KANK1: variants seen among roughly 807,000 people sequenced by gnomAD.
The protein encoded by KANK1 is KN motif and ankyrin repeat domains 1, also known as KN motif and ankyrin repeat domain-containing protein 1.
KANK1 carries 109 observed loss-of-function variants against 106.2 expected under a neutral mutation model. That is an observed-to-expected ratio of 1.03 (90% CI 0.88 to 1.20). KANK1 has a LOEUF of 1.20. Among genes scored for constraint, KANK1 ranks in the 50% most tolerant of loss-of-function variants. The probability of loss-of-function intolerance (pLI) is 0.00; values close to 1 mark genes in which losing one functional copy is unlikely to be tolerated. For synonymous variants in KANK1, 873 were observed against 652.2 expected, an observed-to-expected ratio of 1.34 and a Z score of -5.16; for missense variants, 2,399 against 1,710.7, an observed-to-expected ratio of 1.40 and a Z score of -7.10.
chr9:650,257 G>T (rs1403454090), intron 1 of KANK1, among the ~76,000 whole-genome samples: 1 of 152,158 alleles, frequency 6.6e-6, no homozygotes, highest in East Asian at 1.9e-4. Context: ...ATTGGCCTCT[G>T]TGCTTATTAG....
intron 1 of KANK1, among the ~76,000 whole-genome samples, chr9:624,689 C>T (rs1274818717): frequency 6.6e-6 from 1 of 152,056 alleles, no homozygotes; most frequent in African/African-American, 2.4e-5. Flanking sequence ...GTCCCAGCTA[C>T]TCGGGAGGCT....
chr9:565,471 A>G (rs1001746482), intron 1 of KANK1, among the ~76,000 whole-genome samples: 1 of 152,214 alleles, frequency 6.6e-6, no homozygotes, highest in African/African-American at 2.4e-5. Flanking sequence ...TAATTGACGA[A>G]GAGGTGGCTA....
intron 1 of KANK1, among the ~76,000 whole-genome samples, chr9:633,659 T>G (rs768676815): frequency 5.3e-5 from 8 of 152,146 alleles, no homozygotes; most frequent in Non-Finnish European, 1.2e-4. Context: ...TATGTTTTAT[T>G]TATTAATGTT....
rs5895851 is a variant in KANK1, at chr9:529,234, TACAC to T, written c.-84+24498_-84+24501del. Among the ~76,000 whole-genome samples, 102 of 148,796 alleles carry T rather than the reference TACAC, an allele frequency of 6.9e-4. 1 individual carries two copies. The highest frequency in any genetic ancestry group is 2.4e-3 in the African/African-American group (95 of 40,226). ...ATAACTCTGTTAATATATATATATA[TACAC>T]ACACACACACACACACATATACACA... On this transcript the variant is annotated intron_variant, in intron 1 of 11. Transcript: ENST00000382297.
intron 2 of KANK1, among the ~76,000 whole-genome samples, chr9:682,275 G>A (rs1355612965): frequency 1.4e-5 from 2 of 147,582 alleles, no homozygotes; most frequent in South Asian, 2.1e-4. Context: ...GTGAGACTCC[G>A]TCTCAAAAAA....
chr9:682,388 T>G (rs1339643034), intron 2 of KANK1, among the ~76,000 whole-genome samples: 1 of 152,224 alleles, frequency 6.6e-6, no homozygotes, highest in Non-Finnish European at 1.5e-5. Flanking sequence ...TTTTTAGTAT[T>G]TATTTTTCAT....
At chr9:687,613 T>G in intron 2 of KANK1, among the ~76,000 whole-genome samples, 1 of 151,928 alleles carries the variant, frequency 6.6e-6, no homozygotes, top group South Asian at 2.1e-4. Flanking sequence ...CCCTGCCCTG[T>G]TCCCCAGTTA....
At chr9:645,706 A>G (rs1839522591) in intron 1 of KANK1, among the ~76,000 whole-genome samples, 1 of 150,588 alleles carries the variant, frequency 6.6e-6, no homozygotes, top group Non-Finnish European at 1.5e-5. Flanking sequence ...ACGTGGTGAA[A>G]CCCCATTTCT....
At chr9:622,485 A>G (rs1833378912) in intron 1 of KANK1, among the ~76,000 whole-genome samples, 1 of 152,206 alleles carries the variant, frequency 6.6e-6, no homozygotes, top group Non-Finnish European at 1.5e-5. Flanking sequence ...TGCCAAGAAT[A>G]CGCAATGGGG....
At chr9:549,848 G>A (rs2061166953) in intron 1 of KANK1, 1 of 152,094 alleles carries the variant, frequency 6.6e-6, no homozygotes, top group Non-Finnish European at 1.5e-5. Flanking sequence ...GTTCTTCCTG[G>A]GACTGCTTTC....
chr9:743,347 A>G (rs1836204328), intron 10 of KANK1, among the ~76,000 whole-genome samples: 1 of 152,204 alleles, frequency 6.6e-6, no homozygotes, highest in Non-Finnish European at 1.5e-5. Flanking sequence ...TCTCCACAGG[A>G]GCACATGGAA....
intron 1 of KANK1, among the ~76,000 whole-genome samples, chr9:615,674 A>C (rs1455243982): frequency 6.6e-6 from 1 of 152,154 alleles, no homozygotes; most frequent in African/African-American, 2.4e-5. Flanking sequence ...TGGTCTTTGC[A>C]TTTGTCCAGT....
At chr9:582,473 T>A (rs192272661) in intron 1 of KANK1, among the ~76,000 whole-genome samples, 4 of 152,270 alleles carry the variant, frequency 2.6e-5, no homozygotes, top group Admixed American at 2.6e-4. Flanking sequence ...AAGAAACTCA[T>A]CTACCAGCCT....
At chr9:500,703 G>T (rs1392175662), upstream of KANK1, among the ~76,000 whole-genome samples, 1 of 152,202 alleles carries the variant, frequency 6.6e-6, no homozygotes, top group Non-Finnish European at 1.5e-5. Context: ...TTAAAGGAGG[G>T]ACCTAAACTG....
chr9:644,045 G>C (rs76887683), intron 1 of KANK1, among the ~76,000 whole-genome samples: 5,574 of 150,952 alleles, frequency 0.037, 180 homozygotes, highest in Non-Finnish European at 0.058. Context: ...TCCTAGTGTA[G>C]TGTGGTGTGT....
At chr9:720,350 G>A (rs1243355816) in intron 3 of KANK1, among the ~76,000 whole-genome samples, 5 of 152,102 alleles carry the variant, frequency 3.3e-5, no homozygotes, top group Admixed American at 6.5e-5. Flanking sequence ...TGTTGCTGTC[G>A]TTTTGTTTTG....
chr9:498,849 C>T (rs916847243), intron 3 of KANK1, among the ~76,000 whole-genome samples: 1 of 152,180 alleles, frequency 6.6e-6, no homozygotes, highest in Non-Finnish European at 1.5e-5. Flanking sequence ...TGTATAGCTA[C>T]TTTGGAAAAC....
chr9:555,938 G>A (rs148046378), intron 1 of KANK1, among the ~76,000 whole-genome samples: 2,092 of 152,204 alleles, frequency 0.014, 47 homozygotes, highest in Admixed American at 0.053. Flanking sequence ...AACTTGTGTA[G>A]ACAAACATCA....
At chr9:580,196 G>A (rs935526774) in intron 1 of KANK1, among the ~76,000 whole-genome samples, 11 of 151,836 alleles carry the variant, frequency 7.2e-5, no homozygotes, top group African/African-American at 2.7e-4. Flanking sequence ...GGCGCGTCTG[G>A]AGTTGTTCGT....
Sources: gnomAD v4.1 joint callset for allele counts (sites outside exome capture counted in the v4.1 genomes callset) on GRCh38, gnomAD v4.1.1 for gene constraint, MANE v1.5 for transcripts, NCBI Gene and HGNC (gene_info 2026-07-23, HGNC 2026-07-21) for gene names.